RGS7BP: variants seen among roughly 807,000 people sequenced by gnomAD.
RGS7BP encodes the protein regulator of G protein signaling 7 binding protein, also known as regulator of G protein signaling 7-binding protein.
Under a neutral mutation model 31.3 loss-of-function variants are expected in RGS7BP, and 9 were observed. The ratio of observed to expected loss-of-function variants is 0.29; its 90% CI spans 0.17 to 0.50. The LOEUF (loss-of-function observed/expected upper bound fraction) is 0.50. Among genes scored for constraint, RGS7BP ranks in the 20% least tolerant of loss-of-function variants. The pLI is 0.98. For missense variants in RGS7BP, 274 were observed against 322.0 expected, an observed-to-expected ratio of 0.85 and a Z score of 1.14; for synonymous variants, 115 against 120.1, an observed-to-expected ratio of 0.96 and a Z score of 0.28.
intron 2 of RGS7BP, among the ~76,000 whole-genome samples, chr5:64,553,951 G>A (rs1266491774): frequency 1.3e-5 from 2 of 152,102 alleles, no homozygotes; most frequent in Non-Finnish European, 2.9e-5. Flanking sequence ...GAGGGAGTTC[G>A]TTGACTCCAT....
At chr5:64,581,379 C>G (rs998884681) in intron 3 of RGS7BP, among the ~76,000 whole-genome samples, 1 of 152,148 alleles carries the variant, frequency 6.6e-6, no homozygotes, top group Non-Finnish European at 1.5e-5. Flanking sequence ...ATGAGAGTCT[C>G]TAGTCAATTT....
intron 2 of RGS7BP, among the ~76,000 whole-genome samples, chr5:64,527,496 G>A (rs1749258800): frequency 6.6e-6 from 1 of 151,662 alleles, no homozygotes; most frequent in Admixed American, 6.6e-5. Flanking sequence ...ATTTCAGCTG[G>A]GTAATTTTGG....
At chr5:64,554,091 A>G (rs889473161) in intron 2 of RGS7BP, among the ~76,000 whole-genome samples, 3 of 152,114 alleles carry the variant, frequency 2.0e-5, no homozygotes, top group Non-Finnish European at 2.9e-5. Flanking sequence ...TCCACCCTAT[A>G]TCATCCCACT....
rs74939965 is a variant in RGS7BP, at chr5:64,522,824, G to A, written c.332+14947G>A. On this transcript the variant is annotated intron_variant, in intron 2 of 5. Coordinates refer to ENST00000334025, the MANE Select transcript of RGS7BP (RefSeq NM_001029875.3). ...TAGATCTAATGTGAAAATGTGAAGCGAGTTCAGATATCTATTTAGGTGTAA... is the reference window on the plus strand; with the variant it reads ...TAGATCTAATGTGAAAATGTGAAGCAAGTTCAGATATCTATTTAGGTGTAA... Among the ~76,000 whole-genome samples, 1,228 of 152,254 alleles carry A rather than the reference G, an allele frequency of 8.1e-3. 11 individuals carry two copies. The highest frequency in any genetic ancestry group is 0.014 in the Non-Finnish European group (935 of 68,016).
At chr5:64,603,336 A>G (rs879329957) in intron 5 of RGS7BP, among the ~76,000 whole-genome samples, 2 of 152,166 alleles carry the variant, frequency 1.3e-5, no homozygotes, top group African/African-American at 2.4e-5. Context: ...GCAGTAGTAA[A>G]GGCAGAGAAC....
chr5:64,560,079 C>A (rs1427371721), intron 2 of RGS7BP, among the ~76,000 whole-genome samples: 2 of 152,158 alleles, frequency 1.3e-5, no homozygotes, highest in African/African-American at 2.4e-5. Flanking sequence ...TAATAAGGCA[C>A]TACATATGTC....
chr5:64,529,302 C>T lies in RGS7BP; in HGVS notation c.332+21425C>T, dbSNP rs1749313622. On this transcript the variant is annotated intron_variant, in intron 2 of 5. Coordinates refer to ENST00000334025, the MANE Select transcript of RGS7BP (RefSeq NM_001029875.3). Reference sequence around the variant, plus strand: ...CTTTGGGTTTAAAGCAAGTATTTTTCTGTTATAAAAGTGATTAGGCCTTTA... The same window carrying T: ...CTTTGGGTTTAAAGCAAGTATTTTTTTGTTATAAAAGTGATTAGGCCTTTA... Among the ~76,000 whole-genome samples, 4 of 152,230 alleles carry T rather than the reference C, an allele frequency of 2.6e-5. No individual in the cohort carries two copies. In the South Asian group the frequency reaches 6.2e-4, roughly 24 times the overall value.
At chr5:64,538,649 T>C (rs1580409927) in intron 2 of RGS7BP, among the ~76,000 whole-genome samples, 1 of 132,374 alleles carries the variant, frequency 7.6e-6, no homozygotes, top group Non-Finnish European at 1.6e-5. Flanking sequence ...TTCTGCCCCC[T>C]GGGTTCAAGA....
intron 2 of RGS7BP, among the ~76,000 whole-genome samples, chr5:64,516,425 G>A (rs1250761778): frequency 1.3e-5 from 2 of 151,996 alleles, no homozygotes; most frequent in African/African-American, 4.8e-5. Context: ...TATCCCCTCA[G>A]GCCATCAGCT....
chr5:64,507,355 G>A (rs1208550781), intron 1 of RGS7BP, among the ~76,000 whole-genome samples: 1 of 152,166 alleles, frequency 6.6e-6, no homozygotes, highest in Non-Finnish European at 1.5e-5. Context: ...CAGTAGGAGA[G>A]GGGACCGTCT....
chr5:64,553,081 G>C (rs1207888411), intron 2 of RGS7BP, among the ~76,000 whole-genome samples: 1 of 151,494 alleles, frequency 6.6e-6, no homozygotes, highest in Non-Finnish European at 1.5e-5. Flanking sequence ...TTGTTTTTTA[G>C]CCTGCCTTTT....
chr5:64,608,508 A>G (rs943684953), intron 5 of RGS7BP, among the ~76,000 whole-genome samples: 28 of 152,190 alleles, frequency 1.8e-4, no homozygotes, highest in African/African-American at 6.7e-4. Flanking sequence ...CATGAAGTCA[A>G]TGAATGAAGG....
intron 3 of RGS7BP, among the ~76,000 whole-genome samples, chr5:64,592,315 A>G (rs1019375709): frequency 6.6e-6 from 1 of 152,210 alleles, no homozygotes; most frequent in Admixed American, 6.5e-5. Context: ...TGGTTCAGCT[A>G]CATTAGCAGA....
At position 64,609,765 on chromosome 5, in the gene RGS7BP, A is replaced by G. The variant is rs1426964826; in HGVS notation, c.*513A>G. The G allele has an allele frequency of 6.5e-6, 1 of 153,104 alleles. No homozygotes were observed. Among genetic ancestry groups the G allele is most frequent in the East Asian group, 1.9e-4 (1 of 5,194 alleles). 9.5% of individuals were successfully genotyped at this position (153,104 alleles called of 1,614,324 possible). On this transcript the variant is annotated 3_prime_UTR_variant, in exon 6 of 6. Transcript: ENST00000334025. ...ATTATAAGCAAACATATACCACCTCACCTATTGCTTTCTCTGCACTCATTT... is the reference window on the plus strand; with the variant it reads ...ATTATAAGCAAACATATACCACCTCGCCTATTGCTTTCTCTGCACTCATTT...
At chr5:64,529,137 CT>C (rs1749310376) in intron 2 of RGS7BP, among the ~76,000 whole-genome samples, 2 of 152,138 alleles carry the variant, frequency 1.3e-5, no homozygotes, top group African/African-American at 2.4e-5. Context: ...GAAAAATGTA[CT>C]TTTTTGCCAT....
intron 3 of RGS7BP, among the ~76,000 whole-genome samples, chr5:64,583,007 A>G (rs1279363584): frequency 2.0e-5 from 3 of 152,222 alleles, no homozygotes; most frequent in African/African-American, 7.2e-5. Context: ...TCCTAAGTGG[A>G]AACATGCATT....
chr5:64,569,889 G>A (rs1742263824), intron 2 of RGS7BP, among the ~76,000 whole-genome samples: 1 of 152,088 alleles, frequency 6.6e-6, no homozygotes. Flanking sequence ...ATCCTGTTTT[G>A]GCTTCCTGGG....
At chr5:64,520,622 G>A (rs1001863419) in intron 2 of RGS7BP, among the ~76,000 whole-genome samples, 1 of 152,188 alleles carries the variant, frequency 6.6e-6, no homozygotes, top group Non-Finnish European at 1.5e-5. Flanking sequence ...TCCTAGACAT[G>A]ACCCTATGGG....
chr5:64,598,569 A>G lies in RGS7BP; in HGVS notation c.682+134A>G, dbSNP rs940650462. 4.3e-6 allele frequency: 3 copies of G among 693,616 alleles called. No individual in the cohort carries two copies. The African/African-American group carries it at 5.3e-5, about 12-fold the overall frequency. The allele number at this position is 693,616 out of a possible 1,614,324, so 43.0% of individuals were successfully genotyped here. ...TTGAGCATTCATTAGTCTTTCCTCAAGAAGATATCAAAATGAGACTAGAAA... is the reference window on the plus strand; with the variant it reads ...TTGAGCATTCATTAGTCTTTCCTCAGGAAGATATCAAAATGAGACTAGAAA... On this transcript the variant is annotated intron_variant, in intron 5 of 5. Transcript: ENST00000334025.
Sources: gnomAD v4.1 joint callset for allele counts (sites outside exome capture counted in the v4.1 genomes callset) on GRCh38, gnomAD v4.1.1 for gene constraint, MANE v1.5 for transcripts, NCBI Gene and HGNC (gene_info 2026-07-23, HGNC 2026-07-21) for gene names.